The following ESRRG variants were observed in gnomAD, a reference collection of about 807,000 sequenced individuals.
ESRRG encodes estrogen-related receptor gamma.
Under a neutral mutation model 44.0 loss-of-function variants are expected in ESRRG, and 13 were observed. That is an observed-to-expected ratio of 0.30 (90% CI 0.19 to 0.47). The LOEUF (loss-of-function observed/expected upper bound fraction) is 0.47. Ranked by LOEUF, ESRRG falls within the 20% of genes least tolerant of loss-of-function variation. The probability of loss-of-function intolerance (pLI) is 1.00; values close to 1 mark genes in which losing one functional copy is unlikely to be tolerated. For synonymous variants in ESRRG, 215 were observed against 214.6 expected (o/e 1.00, Z -0.02); for missense variants, 395 against 580.6 (o/e 0.68, Z 3.29).
intron 5 of ESRRG, among the ~76,000 whole-genome samples, chr1:216,519,895 C>T (rs1259702353): frequency 6.6e-6 from 1 of 151,034 alleles, no homozygotes; most frequent in Non-Finnish European, 1.5e-5. Context: ...CCATAGAGCT[C>T]AGCACAACTT....
At chr1:216,733,167 T>C (rs1000184890) in intron 2 of ESRRG, among the ~76,000 whole-genome samples, 1 of 152,078 alleles carries the variant, frequency 6.6e-6, no homozygotes. Flanking sequence ...CCATACAACA[T>C]AACAGCTTTC....
intron 5 of ESRRG, among the ~76,000 whole-genome samples, chr1:216,520,469 T>C (rs1272835484): frequency 6.6e-6 from 1 of 151,992 alleles, no homozygotes; most frequent in Non-Finnish European, 1.5e-5. Context: ...AAAAAGAAAA[T>C]GTTGTTCAAT....
intron 3 of ESRRG, among the ~76,000 whole-genome samples, chr1:216,603,811 C>T (rs898410011): frequency 2.0e-4 from 30 of 151,840 alleles, no homozygotes; most frequent in Non-Finnish European, 7.4e-5. Flanking sequence ...ACTTGTAATC[C>T]CAGCTACTCG....
intron 2 of ESRRG, among the ~76,000 whole-genome samples, chr1:216,875,627 A>G (rs528292425): frequency 1.3e-5 from 2 of 152,100 alleles, no homozygotes; most frequent in South Asian, 2.1e-4. Context: ...TGAATTCTAT[A>G]TTTATATTAT....
intron 2 of ESRRG, among the ~76,000 whole-genome samples, chr1:216,810,253 G>A (rs906852424): frequency 6.6e-5 from 10 of 152,068 alleles, no homozygotes; most frequent in African/African-American, 1.7e-4. Context: ...TGGCAGAAAC[G>A]CTTGGCCCTT....
intron 1 of ESRRG, among the ~76,000 whole-genome samples, chr1:217,029,238 G>T (rs1034482100): frequency 6.6e-6 from 1 of 152,202 alleles, no homozygotes; most frequent in Non-Finnish European, 1.5e-5. Context: ...GGTGGGGGTA[G>T]TGTAAAAGCA....
chr1:217,085,791 C>T (rs1284397005), intron 1 of ESRRG, among the ~76,000 whole-genome samples: 2 of 151,976 alleles, frequency 1.3e-5, no homozygotes, highest in East Asian at 3.9e-4. Flanking sequence ...CTGTGCCCAG[C>T]CGAGAAAGAT....
chr1:216,915,575 A>AAAAC (rs113085137), intron 2 of ESRRG, among the ~76,000 whole-genome samples: 9,638 of 152,028 alleles, frequency 0.063, 333 homozygotes, highest in Middle Eastern at 0.11. Context: ...CAAGATAGCT[A>AAAAC]AAACAAACAA....
At chr1:216,606,085 G>A (rs2150228059) in intron 3 of ESRRG, among the ~76,000 whole-genome samples, 1 of 152,266 alleles carries the variant, frequency 6.6e-6, no homozygotes, top group Admixed American at 6.5e-5. Context: ...AGTAATAAAT[G>A]TCAGAGCTGT....
Position 216,630,659 on chromosome 1 carries a change from C to T in ESRRG, c.589+20314G>A, listed in dbSNP as rs1300571078. Reference sequence around the variant, plus strand: ...TGCAGTCAATTTGTACTACTGTTCTCTGAACAAAAAACCCTATTTCAACCA... The same window carrying T: ...TGCAGTCAATTTGTACTACTGTTCTTTGAACAAAAAACCCTATTTCAACCA... On this transcript the variant is annotated intron_variant, in intron 3 of 6. Transcript: ENST00000408911. 2.0e-5 allele frequency among the ~76,000 whole-genome samples: 3 copies of T among 152,122 alleles called. 1 individual carries two copies. The highest frequency in any genetic ancestry group is 2.0e-4 in the Admixed American group (3 of 15,274).
At chr1:216,728,002 T>C (rs752296086), upstream of ESRRG, among the ~76,000 whole-genome samples, 7 of 152,148 alleles carry the variant, frequency 4.6e-5, no homozygotes, top group Admixed American at 2.6e-4. Context: ...AAACTAATAA[T>C]ACACATGGTG....
At chr1:216,989,818 A>C (rs1056310183) in intron 1 of ESRRG, among the ~76,000 whole-genome samples, 1 of 152,136 alleles carries the variant, frequency 6.6e-6, no homozygotes. Flanking sequence ...TTTCCACTGG[A>C]AAGTCCTGGT....
chr1:216,915,452 A>G (rs959538978), intron 2 of ESRRG, among the ~76,000 whole-genome samples: 4 of 152,182 alleles, frequency 2.6e-5, no homozygotes, highest in African/African-American at 9.6e-5. Context: ...GTGGAGAGGA[A>G]GAAGGGAGAA....
At chr1:216,677,956 C>A (rs2076393593) in intron 1 of ESRRG, among the ~76,000 whole-genome samples, 1 of 152,206 alleles carries the variant, frequency 6.6e-6, no homozygotes, top group Non-Finnish European at 1.5e-5. Flanking sequence ...CTTCCTCATT[C>A]TGATGCTGCA....
chr1:217,131,354 G>A (rs2102536570), intron 1 of ESRRG, among the ~76,000 whole-genome samples: 1 of 151,948 alleles, frequency 6.6e-6, no homozygotes, highest in South Asian at 2.1e-4. Context: ...CAGTGAGCAA[G>A]TATTTGAATA....
At chr1:216,951,033 C>T (rs1043336506) in intron 1 of ESRRG, among the ~76,000 whole-genome samples, 1 of 152,110 alleles carries the variant, frequency 6.6e-6, no homozygotes, top group African/African-American at 2.4e-5. Flanking sequence ...TCCTTCTCTG[C>T]AGATCAAAAG....
chr1:216,718,598 A>G lies in ESRRG; in HGVS notation c.56+4646T>C, dbSNP rs533205653. The stretch of plus-strand genomic sequence containing the variant: ...AAGAGAGGCTAAATATCTCACTGTC[A>G]GAGAATGTAGAGAACTGCAATTCAT... On this transcript the variant is annotated intron_variant, in intron 1 of 6. Coordinates refer to ENST00000408911, the MANE Select transcript of ESRRG (RefSeq NM_001438.4). Among the ~76,000 whole-genome samples the G allele has an allele frequency of 2.0e-5, 3 of 152,094 alleles. No individual in the cohort carries two copies. The East Asian group carries it at 5.8e-4, about 29-fold the overall frequency.
intron 6 of ESRRG, among the ~76,000 whole-genome samples, chr1:216,518,251 C>A (rs991801012): frequency 6.6e-6 from 1 of 152,104 alleles, no homozygotes; most frequent in African/African-American, 2.4e-5. Context: ...GAACAAATAG[C>A]CGTCCGCCCA....
intron 2 of ESRRG, among the ~76,000 whole-genome samples, chr1:216,860,777 A>T (rs2096039006): frequency 6.6e-6 from 1 of 152,166 alleles, no homozygotes; most frequent in South Asian, 2.1e-4. Context: ...TACCAGATGG[A>T]TATATGAATT....
Sources: gnomAD v4.1 joint callset for allele counts (sites outside exome capture counted in the v4.1 genomes callset) on GRCh38, gnomAD v4.1.1 for gene constraint, MANE v1.5 for transcripts, NCBI Gene and HGNC (gene_info 2026-07-23, HGNC 2026-07-21) for gene names.